CTNNA3: variants seen among roughly 807,000 people sequenced by gnomAD.
CTNNA3 encodes the protein catenin alpha 3, also known as catenin alpha-3.
A neutral mutation model predicts 95.7 loss-of-function variants in CTNNA3; 76 were observed. That is an observed-to-expected ratio of 0.79 (90% CI 0.66 to 0.96). CTNNA3 has a LOEUF of 0.96. CTNNA3 is among the 40% of genes least tolerant of loss of function. The pLI, the probability that CTNNA3 is intolerant of heterozygous loss-of-function variation, is 0.00. For missense variants in CTNNA3, 1,191 were observed against 1,089.8 expected (o/e 1.09, Z -1.31); for synonymous variants, 431 against 374.4 (o/e 1.15, Z -1.74).
intron 5 of CTNNA3, among the ~76,000 whole-genome samples, chr10:67,457,309 G>A (rs1222095676): frequency 3.9e-5 from 6 of 152,254 alleles, no homozygotes; most frequent in East Asian, 1.9e-4. Flanking sequence ...GGCCCACTAA[G>A]ACAGGCAAGA....
At position 66,830,710 on chromosome 10, in the gene CTNNA3, C is replaced by T. The variant is rs567024792; in HGVS notation, c.1048-55186G>A. Among the ~76,000 whole-genome samples the T allele has an allele frequency of 2.0e-4, 30 of 152,110 alleles. 1 individual carries two copies. In the South Asian group the frequency reaches 5.8e-3, roughly 29 times the overall value. ...CCGCAAGCTCCGCCTCCTGGGTTCC[C>T]GCCATTCTCCTGCCTCAGCCTCCCG... On this transcript the variant is annotated intron_variant, in intron 7 of 17. Transcript: ENST00000433211.
intron 12 of CTNNA3, among the ~76,000 whole-genome samples, chr10:66,309,979 C>G (rs1053645645): frequency 2.0e-5 from 3 of 150,396 alleles, no homozygotes; most frequent in African/African-American, 7.3e-5. Context: ...AATAAATTAG[C>G]TAGGCGTGGT....
At chr10:66,968,344 T>C (rs1849543911) in intron 7 of CTNNA3, among the ~76,000 whole-genome samples, 1 of 149,634 alleles carries the variant, frequency 6.7e-6, no homozygotes, top group African/African-American at 2.4e-5. Flanking sequence ...TCTAAATAAA[T>C]ATTATATATA....
chr10:66,054,579 T>C (rs1298442412), intron 15 of CTNNA3, among the ~76,000 whole-genome samples: 1 of 152,178 alleles, frequency 6.6e-6, no homozygotes, highest in Non-Finnish European at 1.5e-5. Context: ...ATTGTTCTTT[T>C]CCTATTGAGT....
intron 7 of CTNNA3, among the ~76,000 whole-genome samples, chr10:66,852,445 C>T (rs1182108257): frequency 6.6e-6 from 1 of 152,004 alleles, no homozygotes; most frequent in Non-Finnish European, 1.5e-5. Context: ...GAAATATATT[C>T]AAGAATAAAA....
At chr10:66,330,605 C>A in intron 12 of CTNNA3, among the ~76,000 whole-genome samples, 1 of 152,020 alleles carries the variant, frequency 6.6e-6, no homozygotes, top group Admixed American at 6.6e-5. Flanking sequence ...ATGGCTGGGT[C>A]AAATGGTATT....
intron 5 of CTNNA3, among the ~76,000 whole-genome samples, chr10:67,469,614 T>TG (rs1425359169): frequency 2.0e-5 from 2 of 100,686 alleles, no homozygotes; most frequent in Non-Finnish European, 4.1e-5. Context: ...TGTCGGGGGG[T>TG]GGGGGGCTAG....
At chr10:67,362,651 C>A (rs1023305080) in intron 5 of CTNNA3, among the ~76,000 whole-genome samples, 1 of 152,008 alleles carries the variant, frequency 6.6e-6, no homozygotes, top group African/African-American at 2.4e-5. Context: ...CAACATCATA[C>A]TGAATGAGCA....
chr10:66,643,024 T>C (rs1203530214), intron 9 of CTNNA3, among the ~76,000 whole-genome samples: 1 of 152,198 alleles, frequency 6.6e-6, no homozygotes, highest in East Asian at 1.9e-4. Flanking sequence ...TACACATATA[T>C]AGATAGATGA....
intron 7 of CTNNA3, among the ~76,000 whole-genome samples, chr10:66,899,153 T>C (rs1845617762): frequency 6.6e-6 from 1 of 152,162 alleles, no homozygotes; most frequent in Non-Finnish European, 1.5e-5. Flanking sequence ...ATCAAAATTA[T>C]GAGTTATCGC....
intron 3 of CTNNA3, among the ~76,000 whole-genome samples, chr10:67,551,981 A>G (rs1356257075): frequency 6.6e-6 from 1 of 152,202 alleles, no homozygotes; most frequent in Non-Finnish European, 1.5e-5. Context: ...GAAGGAGGAA[A>G]CGGTGAAGCA....
chr10:66,382,361 G>A (rs779189916), intron 11 of CTNNA3, among the ~76,000 whole-genome samples: 15 of 152,118 alleles, frequency 9.9e-5, no homozygotes, highest in African/African-American at 2.4e-4. Context: ...TCTGCGAGGC[G>A]GCAGCCTGGC....
chr10:66,225,564 CACTT>C (rs934702958), intron 13 of CTNNA3, among the ~76,000 whole-genome samples: 25 of 151,196 alleles, frequency 1.7e-4, no homozygotes, highest in African/African-American at 5.8e-4. Context: ...CTTTCTGATA[CACTT>C]ACTTTATTTC....
intron 12 of CTNNA3, among the ~76,000 whole-genome samples, chr10:66,377,056 T>G (rs993532786): frequency 6.6e-6 from 1 of 152,156 alleles, no homozygotes; most frequent in Middle Eastern, 3.2e-3. Flanking sequence ...TTGCTCAGAA[T>G]TCCTTTTAGT....
At chr10:67,270,005 G>A (rs7085384) in intron 5 of CTNNA3, among the ~76,000 whole-genome samples, 24,286 of 151,736 alleles carry the variant, frequency 0.16, 2,913 homozygotes, top group African/African-American at 0.32. Context: ...TATATGATGG[G>A]TTTAATACAG....
intron 11 of CTNNA3, among the ~76,000 whole-genome samples, chr10:66,426,611 T>G (rs67626718): frequency 0.26 from 40,208 of 151,882 alleles, 5,481 homozygotes; most frequent in South Asian, 0.39. Context: ...AGCCAATCTT[T>G]TTTTTTTCCT....
chr10:66,070,256 C>T (rs2080407630), intron 14 of CTNNA3, among the ~76,000 whole-genome samples: 1 of 152,112 alleles, frequency 6.6e-6, no homozygotes, highest in African/African-American at 2.4e-5. Flanking sequence ...AAGAGAGGAG[C>T]AACTTTTACT....
chr10:66,443,929 AAGATT>A (rs2093396263), intron 11 of CTNNA3, among the ~76,000 whole-genome samples: 1 of 152,042 alleles, frequency 6.6e-6, no homozygotes, highest in Admixed American at 6.6e-5. Context: ...ACTTTGAAAA[AAGATT>A]AGACGAATGG....
At chr10:67,560,320 G>C (rs1361184177) in intron 3 of CTNNA3, among the ~76,000 whole-genome samples, 1 of 150,878 alleles carries the variant, frequency 6.6e-6, no homozygotes, top group Non-Finnish European at 1.5e-5. Flanking sequence ...AGAAGAGAGT[G>C]GGGGCCAATA....
Sources: gnomAD v4.1 joint callset for allele counts (sites outside exome capture counted in the v4.1 genomes callset) on GRCh38, gnomAD v4.1.1 for gene constraint, MANE v1.5 for transcripts, NCBI Gene and HGNC (gene_info 2026-07-23, HGNC 2026-07-21) for gene names.